The following ZNF525 variants were observed in gnomAD, a reference collection of about 807,000 sequenced individuals.
ZNF525 encodes zinc finger protein 525.
Under a neutral mutation model 37.6 loss-of-function variants are expected in ZNF525, and 33 were observed. That is an observed-to-expected ratio of 0.88 (90% CI 0.67 to 1.17). The LOEUF (loss-of-function observed/expected upper bound fraction) is 1.17, where lower values mean the gene tolerates loss of function less well. Ranked by LOEUF, ZNF525 falls within the 50% of genes most tolerant of loss-of-function variation. The probability of loss-of-function intolerance (pLI) is 0.00; values close to 1 mark genes in which losing one functional copy is unlikely to be tolerated. For missense variants in ZNF525, 449 were observed against 543.1 expected (o/e 0.83, Z 1.72); for synonymous variants, 170 against 182.3 (o/e 0.93, Z 0.54).
intron 1 of ZNF525, among the ~76,000 whole-genome samples, chr19:53,367,003 A>C (rs1263973089): frequency 6.6e-6 from 1 of 152,210 alleles, no homozygotes; most frequent in Non-Finnish European, 1.5e-5. Context: ...TTTCAGAAGC[A>C]GAGTAGAAGC....
chr19:53,374,574 C>T (rs1240477831), intron 2 of ZNF525, among the ~76,000 whole-genome samples: 1 of 152,170 alleles, frequency 6.6e-6, no homozygotes, highest in East Asian at 1.9e-4. Context: ...TCCCTGCCCC[C>T]AACCGCCAAA....
At chr19:53,368,240 A>G (rs1271032629) in intron 1 of ZNF525, among the ~76,000 whole-genome samples, 1 of 152,170 alleles carries the variant, frequency 6.6e-6, no homozygotes, top group African/African-American at 2.4e-5. Flanking sequence ...TTGGAGCTTC[A>G]AGCTGATACT....
intron 1 of ZNF525, among the ~76,000 whole-genome samples, chr19:53,369,914 T>G (rs184216166): frequency 1.4e-5 from 2 of 142,374 alleles, no homozygotes; most frequent in African/African-American, 5.2e-5. Flanking sequence ...TTAGTAGAGG[T>G]GGGGTTTCAC....
chr19:53,377,061 C>T (rs1434357910), intron 3 of ZNF525, among the ~76,000 whole-genome samples: 2 of 152,220 alleles, frequency 1.3e-5, no homozygotes, highest in African/African-American at 4.8e-5. Context: ...GCTGCATTTT[C>T]ATTAACATAT....
At chr19:53,378,663 T>G (rs1433358374) in intron 3 of ZNF525, among the ~76,000 whole-genome samples, 1 of 152,206 alleles carries the variant, frequency 6.6e-6, no homozygotes, top group African/African-American at 2.4e-5. Flanking sequence ...AGAGCCTTCC[T>G]CATGGTTTAG....
chr19:53,382,508 C>T lies in ZNF525; in HGVS notation c.*489C>T. 1 of 680,684 alleles carries T rather than the reference C, an allele frequency of 1.5e-6. No homozygotes were observed. Among genetic ancestry groups the T allele is most frequent in the African/African-American group, 1.8e-5 (1 of 56,812 alleles). The allele number at this position is 680,684 out of a possible 1,614,324, so 42.2% of individuals were successfully genotyped here. ...ATAAGTGTAATGAGTGTGGCAAGAC[C>T]TTCAGTAAGGAGTTAACACATGCCA... is the stretch of plus-strand genomic sequence containing the variant. On this transcript the variant is annotated 3_prime_UTR_variant, in exon 4 of 4. Coordinates refer to ENST00000474037, the MANE Select transcript of ZNF525 (RefSeq NM_001348156.2).
In ZNF525 at chr19:53,382,710, T is replaced by G; in HGVS notation, c.*691T>G. The G allele has an allele frequency of 1.3e-6, 1 of 758,958 alleles. No individual in the cohort carries two copies. The allele number at this position is 758,958 out of a possible 1,614,324, so 47.0% of individuals were successfully genotyped here. The stretch of plus-strand genomic sequence containing the variant: ...ACAACTATTGCAAATCATTGGAGAA[T>G]CCATAATAAAGAGAGACCTTACAAG... On this transcript the variant is annotated 3_prime_UTR_variant, in exon 4 of 4. Transcript: ENST00000474037.
chr19:53,383,095 T>A lies in ZNF525; in HGVS notation c.*1076T>A. ...AGTGTAATAAATGTGGCGAGGTTTTTAATCAACAAGCACACCTTGCACGTC... is the reference window on the plus strand; with the variant it reads ...AGTGTAATAAATGTGGCGAGGTTTTAAATCAACAAGCACACCTTGCACGTC... On this transcript the variant is annotated 3_prime_UTR_variant, in exon 4 of 4. Coordinates refer to ENST00000474037, the MANE Select transcript of ZNF525 (RefSeq NM_001348156.2). 7.4e-7 allele frequency: 1 copy of A among 1,357,390 alleles called. No individual in the cohort carries two copies. The highest frequency in any genetic ancestry group is 1.0e-6 in the Non-Finnish European group (1 of 963,080). 84.1% of individuals were successfully genotyped at this position (1,357,390 alleles called of 1,614,324 possible). A position where few individuals can be genotyped will look rare whatever the true frequency, so the allele number is the denominator to read the frequency against.
chr19:53,383,179 C>A lies in ZNF525; in HGVS notation c.*1160C>A. 1.5e-6 allele frequency: 2 copies of A among 1,362,406 alleles called. No homozygotes were observed. Among genetic ancestry groups the A allele is most frequent in the African/African-American group, 1.4e-5 (1 of 69,348 alleles). The allele number at this position is 1,362,406 out of a possible 1,614,324, so 84.4% of individuals were successfully genotyped here. On this transcript the variant is annotated 3_prime_UTR_variant, in exon 4 of 4. Coordinates refer to ENST00000474037, the MANE Select transcript of ZNF525 (RefSeq NM_001348156.2). ...AGTGTAATGAGTGTGGCAAGACCTACTCTCACAATTCAGTCCTTGTAATTC... is the reference window on the plus strand; with the variant it reads ...AGTGTAATGAGTGTGGCAAGACCTAATCTCACAATTCAGTCCTTGTAATTC...
intron 3 of ZNF525, among the ~76,000 whole-genome samples, chr19:53,376,878 G>T (rs1274119627): frequency 6.6e-6 from 1 of 152,206 alleles, no homozygotes; most frequent in African/African-American, 2.4e-5. Context: ...GCTAATGCAG[G>T]AGAGTCACTT....
intron 3 of ZNF525, among the ~76,000 whole-genome samples, chr19:53,380,064 A>G (rs1293537045): frequency 1.3e-5 from 2 of 152,056 alleles, no homozygotes; most frequent in African/African-American, 4.8e-5. Flanking sequence ...GCATGGATAT[A>G]GGTAATTTTA....
Position 53,382,955 on chromosome 19 carries a change from A to G in ZNF525, c.*936A>G, listed in dbSNP as rs951800478. 17 of 1,514,930 alleles carry G rather than the reference A, an allele frequency of 1.1e-5. No individual in the cohort carries two copies. The African/African-American group carries it at 1.9e-4, about 17-fold the overall frequency. 93.8% of individuals were successfully genotyped at this position (1,514,930 alleles called of 1,614,324 possible). A position where few individuals can be genotyped will look rare whatever the true frequency, so the allele number is the denominator to read the frequency against. ...TCAAAATTCGGCCCTTGTAATTCAT[A>G]AGGCAATTCATACTGGAGAGAAACC... On this transcript the variant is annotated 3_prime_UTR_variant, in exon 4 of 4. Coordinates refer to ENST00000474037, the MANE Select transcript of ZNF525 (RefSeq NM_001348156.2).
chr19:53,385,145 T>A lies in ZNF525; in HGVS notation c.*3126T>A, dbSNP rs574803413. ...TGGCACTTGAATATCTACATTTTTT[T>A]AATATCCTCTTGAATACAGTTTTCT... On this transcript the variant is annotated 3_prime_UTR_variant, in exon 4 of 4. Coordinates refer to ENST00000474037, the MANE Select transcript of ZNF525 (RefSeq NM_001348156.2). The A allele has an allele frequency of 1.8e-4, 93 of 530,532 alleles. No individual in the cohort carries two copies. Among genetic ancestry groups the A allele is most frequent in the Admixed American group, 3.4e-4 (9 of 26,358 alleles). The allele number at this position is 530,532 out of a possible 1,614,324, so 32.9% of individuals were successfully genotyped here.
In ZNF525 at chr19:53,372,288, C is replaced by G; in HGVS notation, c.7C>G (p.Leu3Val). ...GAAAGCAGAGGAGTCAGGGATGGCT[C>G]TTCCTCAGGTGAGACGATATTCTCA... is the stretch of plus-strand genomic sequence containing the variant. The part of the protein sequence containing the change: MA[L>V]PQGLLTFRDV... The change falls in exon 2 of 4, where the codon CTT (leucine) becomes GTT (valine). Residue 3 changes from leucine (L) to valine (V), a missense_variant. Around this residue, in one of 2 missense-constraint regions of ZNF525, gnomAD observed 271 missense variants for 381.6 expected, o/e 0.71. Coordinates refer to ENST00000474037, the MANE Select transcript of ZNF525 (RefSeq NM_001348156.2). 1.3e-6 allele frequency: 1 copy of G among 784,128 alleles called. No individual in the cohort carries two copies. Among genetic ancestry groups the G allele is most frequent in the East Asian group, 2.4e-5 (1 of 41,250 alleles). 48.6% of individuals were successfully genotyped at this position (784,128 alleles called of 1,614,324 possible).
At chr19:53,376,292 A>C (rs1245880439) in intron 3 of ZNF525, 2 of 683,244 alleles carry the variant, frequency 2.9e-6, no homozygotes, top group African/African-American at 3.6e-5. Flanking sequence ...CTTAGGGCTA[A>C]TATGAGTCTT....
rs758659423 is a variant in ZNF525 at position 53,381,677 on chromosome 19, C to T, written c.1098C>T (p.Phe366=). 7.1e-6 allele frequency: 8 copies of T among 1,124,662 alleles called. No individual in the cohort carries two copies. Among genetic ancestry groups the T allele is most frequent in the African/African-American group, 1.5e-5 (1 of 65,928 alleles). The allele number at this position is 1,124,662 out of a possible 1,614,324, so 69.7% of individuals were successfully genotyped here. A position where few individuals can be genotyped will look rare whatever the true frequency, so the allele number is the denominator to read the frequency against. ...AAGAATGTGACAAAGCTTTCAGTTTCAAATCAAACCTTGAAAGTCATAGGA... is the reference window on the plus strand; with the variant it reads ...AAGAATGTGACAAAGCTTTCAGTTTTAAATCAAACCTTGAAAGTCATAGGA... ...ECEECDKAFS[F]KSNLESHRIT... is the part of the protein sequence containing the mutation. Residue 366 remains phenylalanine, a synonymous_variant, in exon 4 of 4, where the codon TTC becomes TTT. Transcript: ENST00000474037.
At chr19:53,367,920 G>A (rs745450668) in intron 1 of ZNF525, among the ~76,000 whole-genome samples, 5 of 152,122 alleles carry the variant, frequency 3.3e-5, no homozygotes, top group African/African-American at 7.2e-5. Flanking sequence ...ATCGGGGTGC[G>A]ATACCTTTAT....
chr19:53,384,085 C>CA lies in ZNF525; in HGVS notation c.*2069dup. On this transcript the variant is annotated 3_prime_UTR_variant, in exon 4 of 4. Coordinates refer to ENST00000474037, the MANE Select transcript of ZNF525 (RefSeq NM_001348156.2). ...ATTGTTCCCAATGCAATGAATATAG[C>CA]AAACCATCAAGCATTGATTGACATT... The CA allele has an allele frequency of 2.1e-6, 1 of 482,626 alleles. No individual in the cohort carries two copies. The highest frequency in any genetic ancestry group is 4.1e-6 in the Non-Finnish European group (1 of 243,178). 29.9% of individuals were successfully genotyped at this position (482,626 alleles called of 1,614,324 possible).
chr19:53,377,364 T>G (rs942625186), intron 3 of ZNF525, among the ~76,000 whole-genome samples: 5 of 151,998 alleles, frequency 3.3e-5, no homozygotes, highest in Non-Finnish European at 7.4e-5. Context: ...TTAATAGACA[T>G]GGGATTTCTC....
Sources: gnomAD v4.1 joint callset for allele counts (sites outside exome capture counted in the v4.1 genomes callset) on GRCh38, gnomAD v4.1.1 for gene constraint, gnomAD v4.1.1 regional missense constraint, MANE v1.5 for transcripts, NCBI Gene and HGNC (gene_info 2026-07-23, HGNC 2026-07-21) for gene names.